EXOC6: variants seen among roughly 807,000 people sequenced by gnomAD.
The protein encoded by EXOC6 is SEC15-like 1.
In EXOC6, 60 loss-of-function variants were observed where a neutral mutation model predicts 112.5. The ratio of observed to expected loss-of-function variants is 0.53; its 90% CI spans 0.43 to 0.66. EXOC6 has a LOEUF of 0.66. Among genes scored for constraint, EXOC6 ranks in the 30% least tolerant of loss-of-function variants. The pLI is 0.00. For missense variants in EXOC6, 855 were observed against 957.1 expected, an observed-to-expected ratio of 0.89 and a Z score of 1.41; for synonymous variants, 295 against 308.0, an observed-to-expected ratio of 0.96 and a Z score of 0.44.
At chr10:92,915,589 A>ATTT in intron 6 of EXOC6, among the ~76,000 whole-genome samples, 169 bp from the exon 7 acceptor site, 1 of 138,076 alleles carries the variant, frequency 7.2e-6, no homozygotes. Flanking sequence ...TTTTTTTTTA[A>ATTT]AAAAAGGAAA....
In EXOC6 at chr10:93,058,160, A is replaced by G. The variant is rs546239601; in HGVS notation, c.2283-63A>G. The G allele has an allele frequency of 1.8e-5, 27 of 1,487,072 alleles. No homozygotes were observed. In the African/African-American group the frequency reaches 3.5e-4, roughly 20 times the overall value. 92.1% of individuals were successfully genotyped at this position (1,487,072 alleles called of 1,614,324 possible). A position where few individuals can be genotyped will look rare whatever the true frequency, so the allele number is the denominator to read the frequency against. ...AATTCAGAGCATGCCAAGATATTTT[A>G]CTTGTGACAGCTTAGCTTTTAATTT... On this transcript the variant is annotated intron_variant, in intron 21 of 21. Transcript: ENST00000260762.
chr10:92,828,072 A>AT (rs1158245592), intron 1 of EXOC6, among the ~76,000 whole-genome samples: 1 of 152,094 alleles, frequency 6.6e-6, no homozygotes, highest in African/African-American at 2.4e-5. Context: ...ACAGATGAGC[A>AT]TTTTTTGGTC....
chr10:93,048,961 A>G (rs536794988), intron 20 of EXOC6, among the ~76,000 whole-genome samples: 92 of 152,290 alleles, frequency 6.0e-4, no homozygotes, highest in Non-Finnish European at 1.1e-3. Flanking sequence ...AGAAGATCCT[A>G]TTAAAAGTTT....
Position 93,058,415 on chromosome 10 carries a change from A to G in EXOC6, c.*60A>G, listed in dbSNP as rs1028956094. ...CATGATTCAATGTTGATCTTGAGCA[A>G]GTATTGGTCATGATACAGTAATTTG... On this transcript the variant is annotated 3_prime_UTR_variant, in exon 22 of 22. Transcript: ENST00000260762. 1 of 1,459,514 alleles carries G rather than the reference A, an allele frequency of 6.9e-7. No homozygotes were observed. The highest frequency in any genetic ancestry group is 9.2e-7 in the Non-Finnish European group (1 of 1,090,992). The allele number at this position is 1,459,514 out of a possible 1,614,324, so 90.4% of individuals were successfully genotyped here. A position where few individuals can be genotyped will look rare whatever the true frequency, so the allele number is the denominator to read the frequency against.
chr10:92,866,182 C>T (rs558697140), intron 1 of EXOC6, among the ~76,000 whole-genome samples: 1 of 152,220 alleles, frequency 6.6e-6, no homozygotes, highest in South Asian at 2.1e-4. Context: ...ATCTTAACTG[C>T]TGGTAATGAT....
At chr10:93,017,610 T>C (rs1844591379) in intron 20 of EXOC6, among the ~76,000 whole-genome samples, 1 of 151,786 alleles carries the variant, frequency 6.6e-6, no homozygotes, top group African/African-American at 2.4e-5. Context: ...CACTACATAT[T>C]GGGTACAATG....
At chr10:92,984,584 G>A (rs1370221095) in intron 18 of EXOC6, among the ~76,000 whole-genome samples, 4 of 151,858 alleles carry the variant, frequency 2.6e-5, no homozygotes, top group African/African-American at 7.3e-5. Flanking sequence ...CTGAATTCCC[G>A]TAAAACTTCA....
intron 1 of EXOC6, among the ~76,000 whole-genome samples, chr10:92,870,877 T>C (rs1848413254): frequency 6.6e-6 from 1 of 152,094 alleles, no homozygotes; most frequent in South Asian, 2.1e-4. Context: ...GCCCAGCTAA[T>C]TTTTGTATTT....
chr10:93,004,669 G>A lies in EXOC6; in HGVS notation c.2095+7054G>A, dbSNP rs75582586. ...TTTTCTACTTTTTTAACCTATACTT[G>A]GTCAAAGTGGATACAATGTCTAAGT... On this transcript the variant is annotated intron_variant, in intron 19 of 21. Transcript: ENST00000260762. Among the ~76,000 whole-genome samples the A allele has an allele frequency of 8.4e-3, 1,276 of 151,912 alleles. 12 individuals carry two copies. Among genetic ancestry groups the A allele is most frequent in the African/African-American group, 0.025 (1,026 of 41,428 alleles).
At chr10:93,012,570 G>A (rs1844298288) in intron 19 of EXOC6, among the ~76,000 whole-genome samples, 1 of 152,122 alleles carries the variant, frequency 6.6e-6, no homozygotes, top group South Asian at 2.1e-4. Context: ...GATAAATTAA[G>A]CTGTGCAAAT....
intron 1 of EXOC6, among the ~76,000 whole-genome samples, chr10:92,885,369 G>T (rs1849161413): frequency 6.6e-6 from 1 of 150,964 alleles, no homozygotes; most frequent in African/African-American, 2.4e-5. Context: ...TCACATGAAG[G>T]TTAAAGTCAG....
At chr10:92,871,803 G>A (rs957177294) in intron 1 of EXOC6, among the ~76,000 whole-genome samples, 2 of 151,746 alleles carry the variant, frequency 1.3e-5, no homozygotes, top group South Asian at 2.1e-4. Context: ...GTGAGATTCC[G>A]TCTAAAAAAA....
At chr10:92,945,248 T>G (rs2133986620) in intron 13 of EXOC6, among the ~76,000 whole-genome samples, 1 of 152,298 alleles carries the variant, frequency 6.6e-6, no homozygotes, top group East Asian at 1.9e-4. Context: ...GTTGAGTTCC[T>G]TATGTATTTT....
intron 17 of EXOC6, among the ~76,000 whole-genome samples, chr10:92,960,756 C>G (rs1245672953): frequency 6.6e-6 from 1 of 152,060 alleles, no homozygotes; most frequent in African/African-American, 2.4e-5. Flanking sequence ...TTTCTGGGTT[C>G]TATTTAAATG....
chr10:92,979,715 A>G (rs1016946451), intron 18 of EXOC6, among the ~76,000 whole-genome samples: 1 of 152,010 alleles, frequency 6.6e-6, no homozygotes, highest in African/African-American at 2.4e-5. Context: ...AGGTCGCTTG[A>G]GCCCAGGAGT....
At chr10:92,960,162 T>C (rs1236201086) in intron 17 of EXOC6, among the ~76,000 whole-genome samples, 2 of 152,168 alleles carry the variant, frequency 1.3e-5, no homozygotes, top group Admixed American at 1.3e-4. Flanking sequence ...ATCTGGACAA[T>C]GGAATATTAT....
At chr10:92,920,347 A>G (rs537159704) in intron 8 of EXOC6, among the ~76,000 whole-genome samples, 2 of 152,262 alleles carry the variant, frequency 1.3e-5, no homozygotes, top group South Asian at 2.1e-4. Context: ...TGTGTATTCC[A>G]TACTACATTG....
At chr10:92,913,069 A>G (rs567274982) in intron 6 of EXOC6, among the ~76,000 whole-genome samples, 29 of 152,316 alleles carry the variant, frequency 1.9e-4, no homozygotes, top group African/African-American at 7.0e-4. Flanking sequence ...CATTGTCTTT[A>G]CACAATCCTG....
At chr10:92,834,569 C>T (rs1025332631), upstream of EXOC6, 24 of 523,296 alleles carry the variant, frequency 4.6e-5, no homozygotes, top group Non-Finnish European at 7.1e-5. Context: ...GAAGCAAAGA[C>T]TTTTATAGCA....
Sources: gnomAD v4.1 joint callset for allele counts (sites outside exome capture counted in the v4.1 genomes callset) on GRCh38, gnomAD v4.1.1 for gene constraint, MANE v1.5 for transcripts, NCBI Gene and HGNC (gene_info 2026-07-23, HGNC 2026-07-21) for gene names.